Variants in DUOX1 observed in about 807,000 individuals in gnomAD.
DUOX1 encodes the protein NADPH thyroid oxidase 1.
Under a neutral mutation model 181.8 loss-of-function variants are expected in DUOX1, and 134 were observed. That is an observed-to-expected ratio of 0.74 (90% CI 0.64 to 0.85). The LOEUF (loss-of-function observed/expected upper bound fraction) is 0.85. Ranked by LOEUF, DUOX1 falls within the 40% of genes least tolerant of loss-of-function variation. The pLI is 0.00. For synonymous variants in DUOX1, 798 were observed against 832.5 expected (o/e 0.96, Z 0.71); for missense variants, 1,814 against 2,064.4 (o/e 0.88, Z 2.35).
In DUOX1 at chr15:45,145,044, C is replaced by G. The variant is rs540679709; in HGVS notation, c.2286C>G (p.His762Gln). 2 of 1,611,506 alleles carry G rather than the reference C, an allele frequency of 1.2e-6. No homozygotes were observed. The highest frequency in any genetic ancestry group is 1.1e-5 in the South Asian group (1 of 90,626). The part of the protein sequence containing the change: ...RAAVTREQRR[H>Q]LLETFFRHLF... ...CTGTGACACGGGAGCAGCGGAGGCA[C>G]CTCCTGGAGACCTTTTTCAGGCACC... is the stretch of plus-strand genomic sequence containing the variant. Residue 762 changes from histidine to glutamine, a missense_variant, in exon 18 of 34, where the codon CAC becomes CAG. Coordinates refer to ENST00000389037, the MANE Select transcript of DUOX1 (RefSeq NM_175940.3).
chr15:45,152,214 G>A, intron 24 of DUOX1, 72 bp from the exon 25 acceptor site: 1 of 1,499,988 alleles, frequency 6.7e-7, no homozygotes, highest in East Asian at 2.4e-5. Context: ...AGCCGGCCAG[G>A]GCCTACCGCC....
At position 45,144,880 on chromosome 15, in the gene DUOX1, G is replaced by A. The variant is rs369375010; in HGVS notation, c.2137-15G>A. ...CCTTGGCAAATGGTTGCTTTTGCTCGGGCTGCCCCCTTAGGTGCTGCTGTT... is the reference window on the plus strand; with the variant it reads ...CCTTGGCAAATGGTTGCTTTTGCTCAGGCTGCCCCCTTAGGTGCTGCTGTT... On this transcript the variant is annotated splice_polypyrimidine_tract_variant and intron_variant, in intron 17 of 33. Transcript: ENST00000389037. 47 of 1,589,506 alleles carry A rather than the reference G, an allele frequency of 3.0e-5. No individual in the cohort carries two copies. The highest frequency in any genetic ancestry group is 1.4e-4 in the African/African-American group (10 of 73,868).
At chr15:45,130,419 CT>C (rs1335950153) in intron 1 of DUOX1, among the ~76,000 whole-genome samples, 1 of 152,174 alleles carries the variant, frequency 6.6e-6, no homozygotes, top group East Asian at 1.9e-4. Context: ...AGGATCCAAG[CT>C]TTCCCCCTCA....
intron 31 of DUOX1, among the ~76,000 whole-genome samples, chr15:45,163,321 G>A (rs1339222528): frequency 6.6e-6 from 1 of 152,178 alleles, no homozygotes; most frequent in Non-Finnish European, 1.5e-5. Flanking sequence ...CATGGCCCTG[G>A]GGTCTCTCAC....
At position 45,135,107 on chromosome 15, in the gene DUOX1, A is replaced by G. The variant is rs754061672; in HGVS notation, c.311A>G (p.Tyr104Cys). 2 of 1,613,524 alleles carry G rather than the reference A, an allele frequency of 1.2e-6. No individual in the cohort carries two copies. Among genetic ancestry groups the G allele is most frequent in the African/African-American group, 1.3e-5 (1 of 74,856 alleles). ...NRTVLGVFFG[Y>C]HVLSDLVSVE... is the part of the protein sequence containing the mutation. The stretch of plus-strand genomic sequence containing the variant: ...CCCCCTCCTGCACTGCCCGCAGGCT[A>G]TCACGTGCTTTCAGACCTGGTGAGC... Residue 104 changes from tyrosine to cysteine, a missense_variant, in exon 5 of 34, where the codon TAT (tyrosine) becomes TGT (cysteine). Physicochemically the swap from Tyr to Cys is radical, Grantham distance 194 (BLOSUM62 -2). This residue lies in a region of DUOX1 where 320 missense variants were observed against 313.1 expected (regional missense o/e 1.02). Transcript: ENST00000389037.
chr15:45,153,273 A>G, intron 25 of DUOX1, 107 bp from the exon 26 acceptor site: 1 of 731,878 alleles, frequency 1.4e-6, no homozygotes, highest in East Asian at 2.8e-5. Flanking sequence ...CTCCTAAGGT[A>G]CTTCTCTGGG....
chr15:45,160,962 C>T lies in DUOX1; in HGVS notation c.3828C>T (p.Ser1276=), dbSNP rs1386195691. The T allele has an allele frequency of 3.7e-6, 6 of 1,614,118 alleles. No individual in the cohort carries two copies. Among genetic ancestry groups the T allele is most frequent in the East Asian group, 2.2e-5 (1 of 44,878 alleles). ...TGAGCCGGAAGAAGGTGGAGATCAG[C>T]GTGGTGAAGGCGGAGCTGCTGCCCT... The part of the protein sequence containing the change: ...VSLSRKKVEI[S]VVKAELLPSG... Residue 1276 remains serine, a synonymous_variant, in exon 29 of 34, where the codon AGC becomes AGT. Coordinates refer to ENST00000389037, the MANE Select transcript of DUOX1 (RefSeq NM_175940.3).
rs1044861582 is a variant in DUOX1, at chr15:45,135,728, C to T, written c.697+53C>T. The T allele has an allele frequency of 1.0e-5, 15 of 1,434,862 alleles. No homozygotes were observed. The African/African-American group carries it at 1.1e-4, about 11-fold the overall frequency. The allele number at this position is 1,434,862 out of a possible 1,614,324, so 88.9% of individuals were successfully genotyped here. On this transcript the variant is annotated intron_variant, in intron 6 of 33. Coordinates refer to ENST00000389037, the MANE Select transcript of DUOX1 (RefSeq NM_175940.3). ...GGCTGGGGGTCTGCGAGTGTGGGCT[C>T]CCCCGATCACGCTACCGCTCGTCTC... is the stretch of plus-strand genomic sequence containing the variant.
At chr15:45,160,676 T>TCAGGGATCTAGAAAATACTCTAATTCC (rs1555423503) in intron 28 of DUOX1, among the ~76,000 whole-genome samples, 161 bp from the exon 29 acceptor site, 3 of 151,570 alleles carry the variant, frequency 2.0e-5, no homozygotes, top group South Asian at 2.1e-4. Flanking sequence ...GAGGATGGAG[T>TCAGGGATCTAGAAAATACTCTAATTCC]TGGGAATGGT....
Position 45,153,399 on chromosome 15 carries a change from T to C in DUOX1, c.3444T>C (p.His1148=). ...IVLTVLHSVG[H]VVNVYLFSIS... is the part of the protein sequence containing the mutation. ...CCTTAGTCTTACACAGTGTGGGCCA[T>C]GTGGTGAATGTGTACCTGTTCTCCA... Residue 1148 remains histidine (H), a synonymous_variant, in exon 26 of 34, where the codon CAT becomes CAC. Coordinates refer to ENST00000389037, the MANE Select transcript of DUOX1 (RefSeq NM_175940.3). 6.2e-7 allele frequency: 1 copy of C among 1,613,982 alleles called. No individual in the cohort carries two copies. The highest frequency in any genetic ancestry group is 1.1e-5 in the South Asian group (1 of 91,070).
intron 10 of DUOX1, chr15:45,138,810 A>G (rs958505820): frequency 2.3e-5 from 11 of 473,752 alleles, no homozygotes; most frequent in Non-Finnish European, 3.7e-5. Context: ...CACACTGTCA[A>G]GTATCCCAAG....
Position 45,134,165 on chromosome 15 carries a change from G to T in DUOX1, c.163G>T (p.Val55Phe), listed in dbSNP as rs1896224384. 3 of 1,556,498 alleles carry T rather than the reference G, an allele frequency of 1.9e-6. No homozygotes were observed. In the African/African-American group the frequency reaches 4.2e-5, roughly 22 times the overall value. The change falls in exon 4 of 34, where the codon GTC (valine) becomes TTC (phenylalanine). Residue 55 changes from valine to phenylalanine, a missense_variant. By Grantham distance (50) the Val-to-Phe change is conservative. Transcript: ENST00000389037. The part of the protein sequence containing the change: ...GSKGSRLQRL[V>F]PASYADGVYQ... ...CCCAGGCTCCCGGCTGCAGCGCCTG[G>T]TCCCAGCCAGCTATGCAGATGGCGT...
rs1283006433 is a variant in DUOX1 at position 45,136,258 on chromosome 15, C to G, written c.865-92C>G. On this transcript the variant is annotated intron_variant, in intron 7 of 33. Coordinates refer to ENST00000389037, the MANE Select transcript of DUOX1 (RefSeq NM_175940.3). ...CCCATGACTGACCCTGGCTGGTCCT[C>G]ATCTCCACACGGAAGCCGTCCTTGG... 37 of 1,588,560 alleles carry G rather than the reference C, an allele frequency of 2.3e-5. No individual in the cohort carries two copies. The East Asian group carries it at 7.9e-4, about 34-fold the overall frequency.
chr15:45,153,757 C>T (rs528596496), intron 26 of DUOX1, 194 bp from the exon 27 acceptor site: 41 of 637,898 alleles, frequency 6.4e-5, no homozygotes, highest in South Asian at 1.5e-4. Flanking sequence ...CATGGTGGTG[C>T]GTGCCTGTAA....
In DUOX1 at chr15:45,138,086, G is replaced by GTGTGTA. The variant is rs1896381322; in HGVS notation, c.1113+77_1113+78insATGTGT. The GTGTGTA allele has an allele frequency of 1.3e-5, 12 of 952,714 alleles. No homozygotes were observed. The South Asian group carries it at 2.7e-4, about 21-fold the overall frequency. The allele number at this position is 952,714 out of a possible 1,614,324, so 59.0% of individuals were successfully genotyped here. A position where few individuals can be genotyped will look rare whatever the true frequency, so the allele number is the denominator to read the frequency against. On this transcript the variant is annotated intron_variant, in intron 10 of 33. Coordinates refer to ENST00000389037, the MANE Select transcript of DUOX1 (RefSeq NM_175940.3). ...CTTATGTGTGTGTGTGTATGTGTGT[G>GTGTGTA]TGTGTGTGTGTGTGTGTGTGAGTGC... is the stretch of plus-strand genomic sequence containing the variant.
At chr15:45,134,474 G>A (rs1434358247) in intron 4 of DUOX1, among the ~76,000 whole-genome samples, 165 bp downstream of exon 4, 1 of 152,130 alleles carries the variant, frequency 6.6e-6, no homozygotes, top group Non-Finnish European at 1.5e-5. Flanking sequence ...CAGGTGGAGA[G>A]AGGATCCATG....
chr15:45,143,898 G>A (rs1896572697), intron 16 of DUOX1, 138 bp from the exon 17 acceptor site: 2 of 754,990 alleles, frequency 2.6e-6, no homozygotes, highest in Non-Finnish European at 4.4e-6. Context: ...TTTCAGGGAG[G>A]GAATGACTCT....
At chr15:45,153,795 G>C in intron 26 of DUOX1, 156 bp from the exon 27 acceptor site, 1 of 695,334 alleles carries the variant, frequency 1.4e-6, no homozygotes, top group Non-Finnish European at 2.5e-6. Context: ...GCTGAGGCAG[G>C]AGAATGGCTT....
In DUOX1 at chr15:45,141,372, C is replaced by G. The variant is rs775453704; in HGVS notation, c.1646C>G (p.Pro549Arg). ...CTGGTCGCTGTTATCAACATTGACC[C>G]CAGTGCTCTGCAGCCCAATGTCTTT... is the stretch of plus-strand genomic sequence containing the variant. The part of the protein sequence containing the change: ...DVLVAVINID[P>R]SALQPNVFVW... Residue 549 changes from proline to arginine, a missense_variant, in exon 14 of 34, where the codon CCC (proline) becomes CGC (arginine). Physicochemically the swap from Pro to Arg is moderately radical, Grantham distance 103 (BLOSUM62 -2). Transcript: ENST00000389037. 2.0e-5 allele frequency: 33 copies of G among 1,614,126 alleles called. No homozygotes were observed. Among genetic ancestry groups the G allele is most frequent in the Non-Finnish European group, 2.6e-5 (31 of 1,180,062 alleles).
Sources: allele counts gnomAD v4.1 joint callset (sites outside exome capture counted in the v4.1 genomes callset), GRCh38; gene constraint gnomAD v4.1.1; regional missense constraint gnomAD v4.1.1; transcripts MANE v1.5; gene names NCBI Gene and HGNC (gene_info 2026-07-23, HGNC 2026-07-21).